YBX2: variants seen among roughly 807,000 people sequenced by gnomAD.
The protein encoded by YBX2 is Y-box-binding protein 2.
Under a neutral mutation model 44.4 loss-of-function variants are expected in YBX2, and 5 were observed. The ratio of observed to expected loss-of-function variants is 0.11; its 90% CI spans 0.06 to 0.24. The LOEUF (loss-of-function observed/expected upper bound fraction) is 0.24. YBX2 is among the 10% of genes least tolerant of loss of function. The pLI, the probability that YBX2 is intolerant of heterozygous loss-of-function variation, is 1.00. For missense variants in YBX2, 417 were observed against 526.9 expected (o/e 0.79, Z 2.04); for synonymous variants, 188 against 216.1 (o/e 0.87, Z 1.14).
rs1286928860 is a variant in YBX2, at chr17:7,290,462, C to T, written c.533G>A (p.Arg178His). Residue 178 changes from arginine (R) to histidine (H), a missense_variant, in exon 5 of 9, where the codon CGT (arginine) becomes CAT (histidine). Arg to His is a conservative substitution (Grantham distance 29). This residue lies in a region of YBX2 where 39 missense variants were observed against 123.8 expected (regional missense o/e 0.32). Transcript: ENST00000007699. ...VKGSRYAPNRRKSRRFIPRPP... is the reference protein window; with the variant it reads ...VKGSRYAPNRHKSRRFIPRPP... ...CCGGGGGATGAATCGGCGGGACTTA[C>T]GTCGGTTGGGGGCATAACGGCTGCC... 36 of 1,613,870 alleles carry T rather than the reference C, an allele frequency of 2.2e-5. No homozygotes were observed. The highest frequency in any genetic ancestry group is 2.9e-5 in the Non-Finnish European group (34 of 1,179,962).
chr17:7,294,522 C>G lies in YBX2; in HGVS notation c.-22G>C. The G allele has an allele frequency of 6.9e-7, 1 of 1,444,410 alleles. No individual in the cohort carries two copies. The highest frequency in any genetic ancestry group is 9.1e-7 in the Non-Finnish European group (1 of 1,098,640). 89.5% of individuals were successfully genotyped at this position (1,444,410 alleles called of 1,614,324 possible). A position where few individuals can be genotyped will look rare whatever the true frequency, so the allele number is the denominator to read the frequency against. On this transcript the variant is annotated 5_prime_UTR_variant, in exon 1 of 9. Coordinates refer to ENST00000007699, the MANE Select transcript of YBX2 (RefSeq NM_015982.4). This position sits in a 1 kb window ranked among gnomAD's most constrained non-coding sequence, Gnocchi z 4.6. ...TCATCCCGCCGGGTCCAGTACCGGC[C>G]ACAGCCGCCACCGCCCCGGCCCCTC...
chr17:7,288,948 C>A, intron 7 of YBX2, 110 bp from the exon 8 acceptor site: 1 of 1,346,098 alleles, frequency 7.4e-7, no homozygotes, highest in Non-Finnish European at 1.0e-6. Context: ...CTGCAAACTC[C>A]CCCTCCCAGT....
chr17:7,290,650 C>CT, intron 4 of YBX2, 115 bp from the exon 5 acceptor site: 1 of 1,278,458 alleles, frequency 7.8e-7, no homozygotes, highest in Non-Finnish European at 1.1e-6. Flanking sequence ...TTTAGCTCCT[C>CT]TAACTTCTTT....
At position 7,291,216 on chromosome 17, in the gene YBX2, C is replaced by T. The variant is rs758911382; in HGVS notation, c.370-34G>A. The T allele has an allele frequency of 2.5e-6, 4 of 1,605,934 alleles. No homozygotes were observed. Among genetic ancestry groups the T allele is most frequent in the East Asian group, 2.2e-5 (1 of 44,834 alleles). On this transcript the variant is annotated intron_variant, in intron 3 of 8. Coordinates refer to ENST00000007699, the MANE Select transcript of YBX2 (RefSeq NM_015982.4). The surrounding 1 kb of genome is among the most constrained non-coding windows in gnomAD (Gnocchi z 5.8). ...GGAAAAGGCCATGTGAAAAGTGAGA[C>T]AGCAAGACAGGAGTCTCTGTCACCC...
intron 1 of YBX2, chr17:7,293,815 ACTGGGTACTCAC>A: frequency 1.7e-6 from 1 of 601,480 alleles, no homozygotes; most frequent in Non-Finnish European, 2.8e-6. Flanking sequence ...TTCACCTAGA[ACTGGGTACTCAC>A]CTGGTCTGCA....
At position 7,289,512 on chromosome 17, in the gene YBX2, C is replaced by G. The variant is rs1242851996; in HGVS notation, c.1044+18G>C. 1 of 1,586,024 alleles carries G rather than the reference C, an allele frequency of 6.3e-7. No homozygotes were observed. Among genetic ancestry groups the G allele is most frequent in the Non-Finnish European group, 8.6e-7 (1 of 1,165,560 alleles). Reference sequence around the variant, plus strand: ...CTGGTCTCAGCCTTTTCTTTCATCCCACATCTGAGGTCCTCACCTCAGGGG... The same window carrying G: ...CTGGTCTCAGCCTTTTCTTTCATCCGACATCTGAGGTCCTCACCTCAGGGG... On this transcript the variant is annotated intron_variant, in intron 7 of 8. Transcript: ENST00000007699.
intron 2 of YBX2, 125 bp from the exon 3 acceptor site, chr17:7,292,184 T>A: frequency 2.7e-6 from 3 of 1,127,388 alleles, no homozygotes. Context: ...CAGTTAGGGG[T>A]GGACATGGCC....
chr17:7,293,783 C>A, intron 1 of YBX2: 1 of 702,400 alleles, frequency 1.4e-6, no homozygotes, highest in East Asian at 2.9e-5. Flanking sequence ...TCACGTTCCC[C>A]ACATCCTACA....
At position 7,291,017 on chromosome 17, in the gene YBX2, G is replaced by GGCCCCATCACA; in HGVS notation, c.459+75_459+76insTGTGATGGGGC. 6.9e-7 allele frequency: 1 copy of GGCCCCATCACA among 1,458,998 alleles called. No individual in the cohort carries two copies. The allele number at this position is 1,458,998 out of a possible 1,614,324, so 90.4% of individuals were successfully genotyped here. On this transcript the variant is annotated intron_variant, in intron 4 of 8. Transcript: ENST00000007699. This position sits in a 1 kb window ranked among gnomAD's most constrained non-coding sequence, Gnocchi z 5.8. ...ACGGGTCAGAGCTGGCCCCAGGAGG[G>GGCCCCATCACA]TCTTAGCCTGTGATGACCTCCAGGC...
At position 7,291,204 on chromosome 17, in the gene YBX2, T is replaced by C. The variant is rs750769047; in HGVS notation, c.370-22A>G. On this transcript the variant is annotated intron_variant, in intron 3 of 8. Coordinates refer to ENST00000007699, the MANE Select transcript of YBX2 (RefSeq NM_015982.4). The surrounding 1 kb of genome is among the most constrained non-coding windows in gnomAD (Gnocchi z 5.8). ...CTGTCTGATTGGGGAAAAGGCCATG[T>C]GAAAAGTGAGACAGCAAGACAGGAG... The C allele has an allele frequency of 4.3e-6, 7 of 1,612,982 alleles. No homozygotes were observed. The highest frequency in any genetic ancestry group is 3.3e-5 in the South Asian group (3 of 91,056).
intron 8 of YBX2, 45 bp from the exon 9 acceptor site, chr17:7,288,688 T>C: frequency 7.1e-7 from 1 of 1,401,504 alleles, no homozygotes; most frequent in Admixed American, 1.8e-5. Context: ...AACAGCGACT[T>C]GTCATCGCCA....
At chr17:7,293,290 G>C in intron 2 of YBX2, 185 bp downstream of exon 2, 1 of 1,044,652 alleles carries the variant, frequency 9.6e-7, no homozygotes, top group Non-Finnish European at 1.4e-6. Flanking sequence ...CCTTGAAGAT[G>C]CGGAGGAGGC....
In YBX2 at chr17:7,292,007, A is replaced by G; in HGVS notation, c.369+19T>C. The G allele has an allele frequency of 1.2e-6, 2 of 1,614,108 alleles. No individual in the cohort carries two copies. Among genetic ancestry groups the G allele is most frequent in the Non-Finnish European group, 1.7e-6 (2 of 1,180,006 alleles). On this transcript the variant is annotated intron_variant, in intron 3 of 8. Transcript: ENST00000007699. ...AAGACGGCCGGTTCTTCCCCTCAGA[A>G]AGCTAACCTAGCTCTTACCTGGTGA...
intron 1 of YBX2, 59 bp from the exon 2 acceptor site, chr17:7,293,597 C>A (rs2072517276): frequency 6.2e-7 from 1 of 1,612,980 alleles, no homozygotes; most frequent in African/African-American, 1.3e-5. Flanking sequence ...GAGTTGAACT[C>A]AGTTTTGAGA....
At chr17:7,289,421 A>G in intron 7 of YBX2, 109 bp downstream of exon 7, 1 of 1,483,440 alleles carries the variant, frequency 6.7e-7, no homozygotes, top group Middle Eastern at 2.4e-4. Context: ...TGGCAGGGCC[A>G]GGGCAGGGGA....
rs222839 is a variant in YBX2, at chr17:7,289,382, G to A, written c.1044+148C>T. On this transcript the variant is annotated intron_variant, in intron 7 of 8. Coordinates refer to ENST00000007699, the MANE Select transcript of YBX2 (RefSeq NM_015982.4). ...TGGGAGGCGGCACCTGCCAGGGGGG[G>A]ACCCAGCAGGCTGCATGGAAGAGGG... The A allele has an allele frequency of 8.2e-6, 10 of 1,217,548 alleles. No homozygotes were observed. In the East Asian group the frequency reaches 1.3e-4, roughly 16 times the overall value. The allele number at this position is 1,217,548 out of a possible 1,614,324, so 75.4% of individuals were successfully genotyped here.
At chr17:7,290,855 T>C (rs981650250) in intron 4 of YBX2, among the ~76,000 whole-genome samples, 1 of 152,182 alleles carries the variant, frequency 6.6e-6, no homozygotes. Flanking sequence ...GGAGAACGGA[T>C]GTCGAAGTGC....
At chr17:7,293,318 CA>C in intron 2 of YBX2, 156 bp downstream of exon 2, 1 of 1,352,636 alleles carries the variant, frequency 7.4e-7, no homozygotes, top group South Asian at 1.3e-5. Context: ...TGTCACGAAG[CA>C]CACATTTGTG....
Position 7,288,487 on chromosome 17 carries a change from G to A in YBX2, c.*196C>T, listed in dbSNP as rs2072471164. The A allele has an allele frequency of 2.8e-6, 1 of 363,588 alleles. No homozygotes were observed. The highest frequency in any genetic ancestry group is 2.6e-5 in the South Asian group (1 of 38,746). The allele number at this position is 363,588 out of a possible 1,614,324, so 22.5% of individuals were successfully genotyped here. A position where few individuals can be genotyped will look rare whatever the true frequency, so the allele number is the denominator to read the frequency against. ...TCCCTTCCTTCAACCCTTGATAAGG[G>A]GAGGGAAGAAAAAAGAAAAAGCAAA... is the stretch of plus-strand genomic sequence containing the variant. On this transcript the variant is annotated 3_prime_UTR_variant, in exon 9 of 9. Transcript: ENST00000007699.
Sources: gnomAD v4.1 joint callset for allele counts (sites outside exome capture counted in the v4.1 genomes callset) on GRCh38, gnomAD v4.1.1 for gene constraint, gnomAD v4.1.1 regional missense constraint, Gnocchi (gnomAD v3.1) non-coding constraint, MANE v1.5 for transcripts, NCBI Gene and HGNC (gene_info 2026-07-23, HGNC 2026-07-21) for gene names.